Variants in NDC80 observed in about 807,000 individuals in gnomAD.
NDC80 encodes the protein NDC80 kinetochore complex component, also known as kinetochore protein NDC80 homolog.
A neutral mutation model predicts 89.3 loss-of-function variants in NDC80; 69 were observed. The observed-to-expected ratio is 0.77, with a 90% CI of 0.64 to 0.94. The LOEUF (loss-of-function observed/expected upper bound fraction) is 0.94. NDC80 is among the 40% of genes least tolerant of loss of function. The pLI, the probability that NDC80 is intolerant of heterozygous loss-of-function variation, is 0.00. For synonymous variants in NDC80, 243 were observed against 255.6 expected (o/e 0.95, Z 0.47); for missense variants, 593 against 739.6 (o/e 0.80, Z 2.30).
At chr18:2,596,660 G>A (rs2072658098) in intron 11 of NDC80, among the ~76,000 whole-genome samples, 1 of 151,560 alleles carries the variant, frequency 6.6e-6, no homozygotes, top group Admixed American at 6.6e-5. Context: ...ATTTGACCCA[G>A]CCATCCCATT....
chr18:2,581,944 A>G (rs1444847628), intron 6 of NDC80, among the ~76,000 whole-genome samples: 3 of 152,158 alleles, frequency 2.0e-5, no homozygotes, highest in Admixed American at 1.3e-4. Context: ...GGAAATTTCC[A>G]TCCTGTCAAT....
chr18:2,593,056 C>G (rs28623564), intron 10 of NDC80, among the ~76,000 whole-genome samples: 3,197 of 63,990 alleles, frequency 0.05, 135 homozygotes, highest in African/African-American at 0.15. Context: ...GTGTGTGTGT[C>G]TTTTTTTTTT....
intron 3 of NDC80, among the ~76,000 whole-genome samples, chr18:2,576,859 T>G (rs937948391): frequency 1.3e-5 from 2 of 152,224 alleles, no homozygotes; most frequent in Non-Finnish European, 2.9e-5. Flanking sequence ...AATTATGTTG[T>G]TGTCTCACCA....
At chr18:2,588,577 A>G (rs1446909369) in intron 8 of NDC80, among the ~76,000 whole-genome samples, 1 of 152,200 alleles carries the variant, frequency 6.6e-6, no homozygotes, top group African/African-American at 2.4e-5. Context: ...AGGTGAAGCT[A>G]TTCCTCCAAC....
intron 13 of NDC80, among the ~76,000 whole-genome samples, chr18:2,603,417 T>G (rs1193426501): frequency 6.9e-6 from 1 of 145,914 alleles, no homozygotes; most frequent in Admixed American, 6.8e-5. Context: ...TAGGGAAAAC[T>G]TTTCAAGAAG....
At chr18:2,611,864 C>T (rs2072746099) in intron 16 of NDC80, among the ~76,000 whole-genome samples, 1 of 151,918 alleles carries the variant, frequency 6.6e-6, no homozygotes, top group Non-Finnish European at 1.5e-5. Context: ...AGACATTGAA[C>T]TGCTGCTTTC....
chr18:2,592,255 G>GTT (rs1320949834), intron 10 of NDC80, among the ~76,000 whole-genome samples: 1 of 151,894 alleles, frequency 6.6e-6, no homozygotes, highest in Non-Finnish European at 1.5e-5. Flanking sequence ...AATCTAAGAT[G>GTT]TTTTTATTCT....
Position 2,589,250 on chromosome 18 carries a change from A to C in NDC80, c.810A>C (p.Ala270=). 1 of 1,613,880 alleles carries C rather than the reference A, an allele frequency of 6.2e-7. No homozygotes were observed. Among genetic ancestry groups the C allele is most frequent in the Non-Finnish European group, 8.5e-7 (1 of 1,179,806 alleles). Residue 270 remains alanine, a synonymous_variant, in exon 9 of 17, where the codon GCA becomes GCC. Transcript: ENST00000261597. ...VDAFKLESLE[A]KNRALNEQIA... The stretch of plus-strand genomic sequence containing the variant: ...CTTTTAAGCTGGAATCATTAGAAGC[A>C]AAAAACAGAGCATTGAATGAACAGA...
chr18:2,601,824 G>A (rs987117139), intron 13 of NDC80, among the ~76,000 whole-genome samples: 2 of 152,020 alleles, frequency 1.3e-5, no homozygotes, highest in Non-Finnish European at 2.9e-5. Context: ...TATAATTACG[G>A]CGTTAGAAGC....
chr18:2,600,791 T>G (rs1286013894), intron 12 of NDC80, among the ~76,000 whole-genome samples: 2 of 152,250 alleles, frequency 1.3e-5, no homozygotes, highest in East Asian at 3.8e-4. Context: ...TAAATGCCAC[T>G]GAATTACACG....
intron 3 of NDC80, among the ~76,000 whole-genome samples, chr18:2,576,564 G>T (rs62086178): frequency 0.39 from 58,922 of 152,002 alleles, 12,609 homozygotes; most frequent in East Asian, 0.68. Context: ...AGTTTTGACT[G>T]CTCAGTGATC....
intron 12 of NDC80, 145 bp from the exon 13 acceptor site, chr18:2,601,251 T>A (rs2072682523): frequency 2.7e-6 from 1 of 368,316 alleles, no homozygotes; most frequent in Admixed American, 4.7e-5. Context: ...GTTTTGTTTC[T>A]GTTTGACAGT....
intron 10 of NDC80, among the ~76,000 whole-genome samples, chr18:2,593,054 G>GTGTGTGTGTGTGTTTT: frequency 1.2e-5 from 1 of 86,538 alleles, no homozygotes; most frequent in Non-Finnish European, 2.5e-5. Context: ...GTGTGTGTGT[G>GTGTGTGTGTGTGTTTT]TCTTTTTTTT....
chr18:2,615,942 G>A, intron 16 of NDC80, among the ~76,000 whole-genome samples: 1 of 152,176 alleles, frequency 6.6e-6, no homozygotes, highest in East Asian at 1.9e-4. Context: ...ATTCAGGCAA[G>A]AGGCTATATC....
intron 6 of NDC80, among the ~76,000 whole-genome samples, chr18:2,583,476 G>A (rs1365945921): frequency 6.6e-6 from 1 of 152,140 alleles, no homozygotes; most frequent in Admixed American, 6.5e-5. Flanking sequence ...CAAGGTGGGT[G>A]GATCACCTGA....
At chr18:2,590,333 GATC>G (rs2072621563) in intron 10 of NDC80, among the ~76,000 whole-genome samples, 171 bp downstream of exon 10, 1 of 152,186 alleles carries the variant, frequency 6.6e-6, no homozygotes, top group South Asian at 2.1e-4. Flanking sequence ...TGTCACAAAT[GATC>G]ACAAGTTTGG....
intron 5 of NDC80, among the ~76,000 whole-genome samples, chr18:2,578,623 A>C (rs1486051938): frequency 6.6e-6 from 1 of 152,192 alleles, no homozygotes; most frequent in Non-Finnish European, 1.5e-5. Flanking sequence ...GGAGGTGTAC[A>C]TACATGTCAT....
At chr18:2,591,838 T>G (rs1033055465) in intron 10 of NDC80, among the ~76,000 whole-genome samples, 1 of 150,018 alleles carries the variant, frequency 6.7e-6, no homozygotes, top group Non-Finnish European at 1.5e-5. Flanking sequence ...CACTGCAACC[T>G]CCGCCTCCCG....
rs1183406619 is a variant in NDC80, at chr18:2,577,870, G to A, written c.303+1G>A. 6.2e-7 allele frequency: 1 copy of A among 1,613,316 alleles called. No individual in the cohort carries two copies. The highest frequency in any genetic ancestry group is 1.1e-5 in the South Asian group (1 of 90,920). On this transcript the variant is annotated splice_donor_variant, in intron 4 of 16. Coordinates refer to ENST00000261597, the MANE Select transcript of NDC80 (RefSeq NM_006101.3). LOFTEE classifies it high-confidence loss of function. ...GCAGTGTATTCGACAACTCTGTGAG[G>A]TACTTTAGGATTTTAATCTAAACTG...
Sources: allele counts gnomAD v4.1 joint callset (sites outside exome capture counted in the v4.1 genomes callset), GRCh38; gene constraint gnomAD v4.1.1; transcripts MANE v1.5; gene names NCBI Gene and HGNC (gene_info 2026-07-23, HGNC 2026-07-21).